The following FRMPD4 variants were observed in gnomAD, a reference collection of about 807,000 sequenced individuals.
The protein encoded by FRMPD4 is FERM and PDZ domain containing 4, also known as FERM and PDZ domain-containing protein 4.
A neutral mutation model predicts 94.1 loss-of-function variants in FRMPD4; 22 were observed. The ratio of observed to expected loss-of-function variants is 0.23; its 90% CI spans 0.17 to 0.33. The LOEUF is 0.33. Ranked by LOEUF, FRMPD4 falls within the 10% of genes least tolerant of loss-of-function variation. The probability of loss-of-function intolerance (pLI) is 1.00; values close to 1 mark genes in which losing one functional copy is unlikely to be tolerated. For synonymous variants in FRMPD4, 631 were observed against 548.6 expected, an observed-to-expected ratio of 1.15 and a Z score of -2.10; for missense variants, 1,111 against 1,339.9, an observed-to-expected ratio of 0.83 and a Z score of 2.67.
intron 3 of FRMPD4, among the ~76,000 whole-genome samples, chrX:12,060,446 G>GT (rs1231042550): frequency 9.4e-6 from 1 of 106,777 alleles, no homozygotes; most frequent in Non-Finnish European, 1.9e-5. Context: ...TCTTTTGCCC[G>GT]TTTTTTAATG....
chrX:12,489,103 A>G (rs1165264542), intron 1 of FRMPD4, among the ~76,000 whole-genome samples: 3 of 111,976 alleles, frequency 2.7e-5, no homozygotes, highest in Non-Finnish European at 5.6e-5. Context: ...GATCCCTACT[A>G]TCAATGGTAG....
chrX:11,925,568 C>A (rs1476502232), intron 3 of FRMPD4, among the ~76,000 whole-genome samples: 1 of 112,156 alleles, frequency 8.9e-6, no homozygotes, highest in East Asian at 2.8e-4. Flanking sequence ...GACCATAGTG[C>A]AATCAAATTA....
At position 12,525,593 on chromosome X, in the gene FRMPD4, G is replaced by A. The variant is rs191662570; in HGVS notation, c.158+26797G>A. On this transcript the variant is annotated intron_variant, in intron 2 of 16. Coordinates refer to ENST00000675598, the MANE Select transcript of FRMPD4 (RefSeq NM_001368397.1). The stretch of plus-strand genomic sequence containing the variant: ...CCATGCAAAGCTGTCTTTTGTGGCC[G>A]TTTCTACTGCTTAAACATTCATGTA... 8.0e-5 allele frequency among the ~76,000 whole-genome samples: 9 copies of A among 112,368 alleles called. No homozygotes were observed. In the East Asian group the frequency reaches 2.2e-3, roughly 28 times the overall value.
At chrX:12,484,999 A>C (rs2057724668) in intron 1 of FRMPD4, among the ~76,000 whole-genome samples, 1 of 112,386 alleles carries the variant, frequency 8.9e-6, no homozygotes, top group South Asian at 3.7e-4. Flanking sequence ...TAGGCTTTGC[A>C]AGCCATACAG....
At chrX:12,002,605 ATCTCCACT>A (rs1409707522) in intron 3 of FRMPD4, among the ~76,000 whole-genome samples, 3 of 111,951 alleles carry the variant, frequency 2.7e-5, no homozygotes, top group African/African-American at 9.7e-5. Context: ...TCATTTCTAT[ATCTCCACT>A]TCTTGGAATG....
intron 2 of FRMPD4, among the ~76,000 whole-genome samples, chrX:12,504,235 T>G (rs1486230065): frequency 8.9e-6 from 1 of 112,735 alleles, no homozygotes; most frequent in Non-Finnish European, 1.9e-5. Context: ...TTCTGTGAGG[T>G]GTATAAGCAT....
chrX:12,392,550 G>A (rs2056491783), intron 1 of FRMPD4, among the ~76,000 whole-genome samples: 1 of 109,497 alleles, frequency 9.1e-6, no homozygotes, highest in African/African-American at 3.3e-5. Flanking sequence ...CTACTTGGGA[G>A]GCTGAGGCAG....
intron 1 of FRMPD4, among the ~76,000 whole-genome samples, chrX:12,264,536 A>T: frequency 8.9e-6 from 1 of 112,323 alleles, no homozygotes; most frequent in Non-Finnish European, 1.9e-5. Context: ...ATGTCTAAAA[A>T]TACTGTATGA....
chrX:12,526,912 A>G (rs933286375), intron 2 of FRMPD4, among the ~76,000 whole-genome samples: 1 of 111,911 alleles, frequency 8.9e-6, no homozygotes, highest in Admixed American at 9.5e-5. Flanking sequence ...ATCTTTCACA[A>G]CACATTTAGT....
At chrX:12,068,351 A>G (rs1007817169) in intron 3 of FRMPD4, among the ~76,000 whole-genome samples, 1 of 110,826 alleles carries the variant, frequency 9.0e-6, no homozygotes, top group Non-Finnish European at 1.9e-5. Context: ...TATAGCAGCA[A>G]GAAGAAACTA....
chrX:12,047,076 C>T (rs1354487512), intron 3 of FRMPD4, among the ~76,000 whole-genome samples: 1 of 108,053 alleles, frequency 9.3e-6, no homozygotes, highest in Non-Finnish European at 1.9e-5. Flanking sequence ...AATATTTATA[C>T]ATGGTTATAT....
At chrX:11,967,757 T>G (rs1362871112) in intron 3 of FRMPD4, among the ~76,000 whole-genome samples, 3 of 30,725 alleles carry the variant, frequency 9.8e-5, no homozygotes, top group African/African-American at 2.3e-4. Flanking sequence ...TGTGTGTGTG[T>G]TTTTTTTTTT....
chrX:12,020,927 C>T lies in FRMPD4; in HGVS notation c.95+142909C>T, dbSNP rs755471710. Reference sequence around the variant, plus strand: ...TAATACCCTATTTCTATTATTTCCCCCACAAACATGTATGTTAATCAGCTT... The same window carrying T: ...TAATACCCTATTTCTATTATTTCCCTCACAAACATGTATGTTAATCAGCTT... On this transcript the variant is annotated intron_variant, in intron 3 of 18. Transcript: ENST00000640291. Among the ~76,000 whole-genome samples, 23 of 111,536 alleles carry T rather than the reference C, an allele frequency of 2.1e-4. No homozygotes were observed. In the Admixed American group the frequency reaches 2.1e-3, roughly 10 times the overall value.
In FRMPD4 at chrX:11,899,338, A is replaced by G. The variant is rs1180827337; in HGVS notation, c.95+21320A>G. Among the ~76,000 whole-genome samples, 7 of 109,461 alleles carry G rather than the reference A, an allele frequency of 6.4e-5. No homozygotes were observed. In the South Asian group the frequency reaches 1.6e-3, roughly 25 times the overall value. Reference sequence around the variant, plus strand: ...TATGGCAGACTAAAACCTGACATCAATCCTAATCTTATTTTTACTTGCTGT... The same window carrying G: ...TATGGCAGACTAAAACCTGACATCAGTCCTAATCTTATTTTTACTTGCTGT... On this transcript the variant is annotated intron_variant, in intron 3 of 18. Coordinates refer to the FRMPD4 transcript ENST00000640291.
At chrX:11,919,582 G>A (rs978394044) in intron 3 of FRMPD4, among the ~76,000 whole-genome samples, 2 of 110,948 alleles carry the variant, frequency 1.8e-5, no homozygotes, top group Admixed American at 9.5e-5. Context: ...TATCATTGGA[G>A]AAATTCAATG....
intron 1 of FRMPD4, among the ~76,000 whole-genome samples, chrX:12,139,257 G>A (rs998194688): frequency 1.8e-5 from 2 of 111,048 alleles, no homozygotes; most frequent in Non-Finnish European, 3.8e-5. Flanking sequence ...CGACATTCAC[G>A]ACAGTTTGTT....
At chrX:12,456,447 A>T (rs1043120035) in intron 1 of FRMPD4, among the ~76,000 whole-genome samples, 9 of 111,682 alleles carry the variant, frequency 8.1e-5, no homozygotes, top group African/African-American at 1.6e-4. Context: ...TACAAATTAG[A>T]TTGCTTTTAT....
intron 1 of FRMPD4, among the ~76,000 whole-genome samples, chrX:12,162,416 C>T (rs1211686188): frequency 8.9e-6 from 1 of 112,303 alleles, no homozygotes; most frequent in Non-Finnish European, 1.9e-5. Context: ...ATTACTGCAG[C>T]ACCTTCTTCT....
intron 3 of FRMPD4, among the ~76,000 whole-genome samples, chrX:11,926,965 G>A (rs369552442): frequency 9.0e-6 from 1 of 111,320 alleles, no homozygotes; most frequent in East Asian, 2.8e-4. Context: ...AACTATCCCT[G>A]TTTGCAGACG....
Sources: allele counts gnomAD v4.1 joint callset (sites outside exome capture counted in the v4.1 genomes callset), GRCh38; gene constraint gnomAD v4.1.1; transcripts MANE v1.5; gene names NCBI Gene and HGNC (gene_info 2026-07-23, HGNC 2026-07-21).